The following RPS24 variants were observed in gnomAD, a reference collection of about 807,000 sequenced individuals.
The protein encoded by RPS24 is small ribosomal subunit protein eS24.
For missense variants in RPS24, 100 were observed against 162.5 expected (o/e 0.62, Z 2.09); for synonymous variants, 72 against 55.6 (o/e 1.30, Z -1.31).
At chr10:78,038,067 G>A (rs1847914845) in intron 4 of RPS24, 4 of 846,748 alleles carry the variant, frequency 4.7e-6, no homozygotes, top group Non-Finnish European at 5.0e-6. Flanking sequence ...GCCTTTGGAC[G>A]ACAGTTTTAT....
downstream of RPS24, among the ~76,000 whole-genome samples, chr10:78,042,533 C>G (rs77806876): frequency 2.6e-5 from 4 of 152,346 alleles, no homozygotes; most frequent in East Asian, 3.9e-4. Flanking sequence ...TGGACAGATT[C>G]AGCACATTGT....
At chr10:78,052,789 A>G (rs1848112437) in intron 4 of RPS24, among the ~76,000 whole-genome samples, 2 of 152,118 alleles carry the variant, frequency 1.3e-5, no homozygotes, top group African/African-American at 2.4e-5. Context: ...GAAGGGTAAC[A>G]TTTGTCCTGG....
chr10:78,054,260 G>A lies in RPS24; in HGVS notation c.391-271G>A, dbSNP rs117602656. On this transcript the variant is annotated intron_variant, in intron 4 of 4. Transcript: ENST00000440692. ...GTGGCCCAGGTGGAGGGCTCTGTGGGGCAGAGGCAGATTGGTGTGGGGGTT... is the reference window on the plus strand; with the variant it reads ...GTGGCCCAGGTGGAGGGCTCTGTGGAGCAGAGGCAGATTGGTGTGGGGGTT... Among the ~76,000 whole-genome samples the A allele has an allele frequency of 8.6e-3, 1,314 of 152,234 alleles. 7 individuals are homozygous for A. The highest frequency in any genetic ancestry group is 0.011 in the Non-Finnish European group (778 of 68,004).
intron 4 of RPS24, chr10:78,054,430 G>T: frequency 9.3e-7 from 1 of 1,072,468 alleles, no homozygotes; most frequent in Non-Finnish European, 1.3e-6. Context: ...CTGGTACCAA[G>T]TGAGGGAGGT....
downstream of RPS24, among the ~76,000 whole-genome samples, chr10:78,041,095 C>T (rs550088066): frequency 1.1e-3 from 168 of 152,114 alleles, no homozygotes; most frequent in African/African-American, 3.9e-3. Context: ...CTACCTTGGC[C>T]ACATAAAGTA....
intron 4 of RPS24, among the ~76,000 whole-genome samples, chr10:78,052,565 G>A (rs1033548024): frequency 9.2e-5 from 14 of 152,310 alleles, no homozygotes; most frequent in African/African-American, 3.1e-4. Context: ...ATGGGAGGTA[G>A]GCACCTGGAG....
At chr10:78,037,902 CTTTTT>C (rs55902139) in intron 4 of RPS24, 1,022 of 378,648 alleles carry the variant, frequency 2.7e-3, no homozygotes, top group East Asian at 7.5e-3. Flanking sequence ...GTTCTGTGAA[CTTTTT>C]TTTTTTTTTT....
At chr10:78,056,298 C>G (rs917372303) in exon 5 of RPS24, 1 of 152,164 alleles carries the variant, frequency 6.6e-6, no homozygotes, top group African/African-American at 2.4e-5. Context: ...GAAATGCCTG[C>G]TTAGCAGTTT....
chr10:78,044,246 A>G (rs1306915321), downstream of RPS24, among the ~76,000 whole-genome samples: 2 of 152,118 alleles, frequency 1.3e-5, no homozygotes, highest in Admixed American at 6.5e-5. Context: ...TGCACAGGAG[A>G]AAGTTCTCAT....
At position 78,035,640 on chromosome 10, in the gene RPS24, G is replaced by A. The variant is rs1847849479; in HGVS notation, c.199G>A (p.Gly67Ser). Residue 67 changes from glycine to serine, a missense_variant, in exon 3 of 6, where the codon GGC becomes AGC. Gly to Ser is a moderately conservative substitution (Grantham distance 56). Transcript: ENST00000372360. ...TGGATTCAGAACTCATTTTGGTGGT[G>A]GCAAGACAACTGGCTTTGGCATGAT... Reference protein sequence around the residue: ...VFGFRTHFGGGKTTGFGMIYD... With the variant: ...VFGFRTHFGGSKTTGFGMIYD... 6.2e-7 allele frequency: 1 copy of A among 1,609,670 alleles called. No individual in the cohort carries two copies. Among genetic ancestry groups the A allele is most frequent in the Non-Finnish European group, 8.5e-7 (1 of 1,179,956 alleles).
chr10:78,043,052 G>A (rs1848003584), downstream of RPS24, among the ~76,000 whole-genome samples: 1 of 152,110 alleles, frequency 6.6e-6, no homozygotes, highest in Non-Finnish European at 1.5e-5. Flanking sequence ...CACCCAGGCT[G>A]GAGTGCAGTG....
At chr10:78,053,337 T>C (rs1848118896) in intron 4 of RPS24, among the ~76,000 whole-genome samples, 3 of 151,958 alleles carry the variant, frequency 2.0e-5, no homozygotes, top group Admixed American at 2.0e-4. Flanking sequence ...GGGTTCAGAG[T>C]CCTGGGGGGG....
At chr10:78,043,012 CAT>C (rs1236846918), downstream of RPS24, among the ~76,000 whole-genome samples, 1 of 140,284 alleles carries the variant, frequency 7.1e-6, no homozygotes, top group East Asian at 2.1e-4. Context: ...CACATACACA[CAT>C]ATTTTTTTTG....
chr10:78,054,074 TG>T (rs1379881617), intron 4 of RPS24, among the ~76,000 whole-genome samples: 2 of 151,986 alleles, frequency 1.3e-5, no homozygotes, highest in Admixed American at 1.3e-4. Context: ...TCCCAGGGTA[TG>T]GGGGTGCCTA....
chr10:78,054,771 T>C (rs1351842311), exon 5 of RPS24: 4 of 1,551,670 alleles, frequency 2.6e-6, no homozygotes, highest in Non-Finnish European at 2.6e-6. Context: ...GGCGTGCCTT[T>C]TGGAGAGGGC....
At chr10:78,041,470 G>A (rs1186772571), downstream of RPS24, among the ~76,000 whole-genome samples, 1 of 152,200 alleles carries the variant, frequency 6.6e-6, no homozygotes, top group Non-Finnish European at 1.5e-5. Flanking sequence ...CTCTTGCTAA[G>A]GAATCTGCTA....
chr10:78,038,627 A>C (rs1306143989), intron 4 of RPS24: 1 of 151,226 alleles, frequency 6.6e-6, no homozygotes, highest in Non-Finnish European at 1.5e-5. Flanking sequence ...TCCCACAAGC[A>C]CTTGGTTAGA....
At chr10:78,046,468 C>G (rs144544904) in intron 4 of RPS24, among the ~76,000 whole-genome samples, 53 of 149,994 alleles carry the variant, frequency 3.5e-4, no homozygotes, top group African/African-American at 1.3e-3. Context: ...AAGTGATTCT[C>G]CTGCCTCAGC....
At chr10:78,043,110 TCTC>T (rs942920868), downstream of RPS24, among the ~76,000 whole-genome samples, 2 of 152,184 alleles carry the variant, frequency 1.3e-5, no homozygotes, top group East Asian at 1.9e-4. Flanking sequence ...TTCACGCCAT[TCTC>T]CTGCCTCAGC....
Sources: allele counts gnomAD v4.1 joint callset (sites outside exome capture counted in the v4.1 genomes callset), GRCh38; gene constraint gnomAD v4.1.1; transcripts MANE v1.5; gene names NCBI Gene and HGNC (gene_info 2026-07-23, HGNC 2026-07-21).